Variants in CHLSN observed in about 807,000 individuals in gnomAD.
The protein encoded by CHLSN is cholesin, also known as protein cholesin.
chr7:1,016,511 G>T, the CHLSN span, among the ~76,000 whole-genome samples: 1 of 131,910 alleles, frequency 7.6e-6, no homozygotes, highest in Non-Finnish European at 1.6e-5. Flanking sequence ...CAGCACAGCA[G>T]CGCACAGCAG....
chr7:997,579 G>C, the CHLSN span: 8 of 1,430,970 alleles, frequency 5.6e-6, no homozygotes, highest in Non-Finnish European at 7.3e-6. Flanking sequence ...TGTGTGGTCT[G>C]AGGCAGCCCT....
chr7:1,067,987 G>A, the CHLSN span, among the ~76,000 whole-genome samples: 6 of 152,262 alleles, frequency 3.9e-5, no homozygotes, highest in East Asian at 1.9e-4. Flanking sequence ...CAGAATCACC[G>A]CCATGCTCAG....
At chr7:1,026,370 A>C in the CHLSN span, 2 of 152,224 alleles carry the variant, frequency 1.3e-5, no homozygotes, top group Non-Finnish European at 2.9e-5. Context: ...AAGGGTTCGC[A>C]CGGCAGTGCT....
At chr7:986,694 AGGTCCGTGCCAT>A in the CHLSN span, 1 of 1,612,382 alleles carries the variant, frequency 6.2e-7, no homozygotes, top group East Asian at 2.2e-5. Flanking sequence ...AAGATCGAGG[AGGTCCGTGCCAT>A]TCTGAGGACC....
the CHLSN span, among the ~76,000 whole-genome samples, chr7:1,077,503 C>T: frequency 2.0e-5 from 3 of 152,092 alleles, no homozygotes; most frequent in East Asian, 5.8e-4. Flanking sequence ...GCTGGGATTA[C>T]AGGCGTGAGC....
At chr7:996,218 C>T in the CHLSN span, among the ~76,000 whole-genome samples, 1 of 152,316 alleles carries the variant, frequency 6.6e-6, no homozygotes, top group Admixed American at 6.5e-5. Context: ...CTCCCCACAA[C>T]AACAGCCCGG....
At chr7:1,010,042 C>T in the CHLSN span, 2 of 1,611,124 alleles carry the variant, frequency 1.2e-6, no homozygotes, top group Non-Finnish European at 8.5e-7. Flanking sequence ...GCTGCCTCTC[C>T]TCTTTCTTCC....
At chr7:1,116,878 T>C in the CHLSN span, among the ~76,000 whole-genome samples, 2 of 37,856 alleles carry the variant, frequency 5.3e-5, 1 homozygote, top group African/African-American at 6.9e-4. Flanking sequence ...CGGACCGGCT[T>C]CCATCACCGA....
At chr7:996,363 C>T in the CHLSN span, among the ~76,000 whole-genome samples, 1 of 152,254 alleles carries the variant, frequency 6.6e-6, no homozygotes, top group Non-Finnish European at 1.5e-5. Context: ...GGGGGCGGGG[C>T]ACCCAAGGGG....
chr7:1,133,685 C>T, the CHLSN span, among the ~76,000 whole-genome samples: 7 of 143,908 alleles, frequency 4.9e-5, no homozygotes, highest in Admixed American at 7.3e-5. Flanking sequence ...ACACGGGAGG[C>T]GGAGATTGCA....
At chr7:1,015,787 C>A in the CHLSN span, among the ~76,000 whole-genome samples, 2 of 152,216 alleles carry the variant, frequency 1.3e-5, no homozygotes, top group East Asian at 3.8e-4. Context: ...CAACACCCAG[C>A]CCGGGCTTCC....
chr7:1,125,985 T>G, the CHLSN span, among the ~76,000 whole-genome samples: 75 of 152,342 alleles, frequency 4.9e-4, no homozygotes, highest in African/African-American at 1.7e-3. Flanking sequence ...TCAAAAAATT[T>G]TTTATATTTT....
chr7:1,125,149 C>T, the CHLSN span, among the ~76,000 whole-genome samples: 1 of 152,214 alleles, frequency 6.6e-6, no homozygotes, highest in African/African-American at 2.4e-5. Flanking sequence ...AGCACTGCCT[C>T]ATTGGACAGG....
At chr7:1,048,460 G>A in the CHLSN span, among the ~76,000 whole-genome samples, 1 of 152,056 alleles carries the variant, frequency 6.6e-6, no homozygotes, top group Non-Finnish European at 1.5e-5. Context: ...ACAGGGACCC[G>A]GGTGCCTCTC....
chr7:1,016,638 CCAGCGCACAGCAGCACACAG>C, the CHLSN span, among the ~76,000 whole-genome samples: 37 of 81,608 alleles, frequency 4.5e-4, 4 homozygotes, highest in South Asian at 1.4e-3. Context: ...GTAGCGCACG[CCAGCGCACAGCAGCACACAG>C]CAGCGCACAG....
At chr7:1,028,459 G>C in the CHLSN span, 4 of 985,376 alleles carry the variant, frequency 4.1e-6, no homozygotes, top group East Asian at 1.1e-4. Flanking sequence ...ACCTCGGCGC[G>C]GGGGTGGGAG....
the CHLSN span, among the ~76,000 whole-genome samples, chr7:1,053,311 G>A: frequency 2.0e-5 from 3 of 152,264 alleles, no homozygotes; most frequent in Non-Finnish European, 2.9e-5. Flanking sequence ...TGGCGACGGC[G>A]GGGGAGGGGC....
the CHLSN span, chr7:1,023,070 T>C: frequency 1.1e-5 from 5 of 435,646 alleles, no homozygotes; most frequent in Non-Finnish European, 1.4e-5. This position sits in a 1 kb window ranked among gnomAD's most constrained non-coding sequence, Gnocchi z 5.0. Context: ...CTGCAGAGCA[T>C]GGGACGCTTC....
the CHLSN span, among the ~76,000 whole-genome samples, chr7:1,016,706 C>T: frequency 4.7e-5 from 4 of 84,970 alleles, no homozygotes; most frequent in Admixed American, 1.2e-4. Flanking sequence ...TGCCAGCACA[C>T]GCCAGCGCAC....
Sources: gnomAD v4.1 joint callset for allele counts (sites outside exome capture counted in the v4.1 genomes callset) on GRCh38, gnomAD v4.1.1 for gene constraint, Gnocchi (gnomAD v3.1) non-coding constraint, MANE v1.5 for transcripts, NCBI Gene and HGNC (gene_info 2026-07-23, HGNC 2026-07-21) for gene names.